IQCJ: variants seen among roughly 807,000 people sequenced by gnomAD.
IQCJ encodes the protein IQ motif containing J.
In IQCJ, 9 loss-of-function variants were observed where a neutral mutation model predicts 11.0. The ratio of observed to expected loss-of-function variants is 0.82; its 90% CI spans 0.49 to 1.43. The LOEUF is 1.43. Ranked by LOEUF, IQCJ falls within the 40% of genes most tolerant of loss-of-function variation. The probability of loss-of-function intolerance (pLI) is 0.00; values close to 1 mark genes in which losing one functional copy is unlikely to be tolerated. For synonymous variants in IQCJ, 55 were observed against 51.3 expected (o/e 1.07, Z -0.31); for missense variants, 146 against 133.2 (o/e 1.10, Z -0.47).
At chr3:159,195,127 G>T (rs1317505657) in intron 1 of IQCJ, among the ~76,000 whole-genome samples, 1 of 150,322 alleles carries the variant, frequency 6.7e-6, no homozygotes, top group Admixed American at 6.6e-5. Context: ...AAAAAAATCT[G>T]TATCACTGGA....
At chr3:159,180,382 T>C (rs906152815) in intron 1 of IQCJ, among the ~76,000 whole-genome samples, 3 of 150,718 alleles carry the variant, frequency 2.0e-5, no homozygotes, top group South Asian at 2.1e-4. Flanking sequence ...ATTAATATGA[T>C]TTTTAAAATT....
intron 1 of IQCJ, among the ~76,000 whole-genome samples, chr3:159,127,290 G>T (rs554975661): frequency 1.3e-5 from 2 of 152,286 alleles, no homozygotes; most frequent in East Asian, 3.9e-4. Context: ...AGTTGGGGAG[G>T]CAGGGGTTGG....
chr3:159,264,096 A>G (rs1349693899), downstream of IQCJ, among the ~76,000 whole-genome samples: 1 of 152,240 alleles, frequency 6.6e-6, no homozygotes, highest in Non-Finnish European at 1.5e-5. Flanking sequence ...TGAATGATGG[A>G]AACTCAATAT....
intron 1 of IQCJ, among the ~76,000 whole-genome samples, chr3:159,147,191 AG>A (rs1720968964): frequency 6.6e-6 from 1 of 152,254 alleles, no homozygotes; most frequent in African/African-American, 2.4e-5. Context: ...CTTTAATTTA[AG>A]GATGGGAGAA....
At chr3:159,170,068 G>A (rs1457630923) in intron 1 of IQCJ, among the ~76,000 whole-genome samples, 1 of 152,132 alleles carries the variant, frequency 6.6e-6, no homozygotes, top group Admixed American at 6.5e-5. Context: ...CTGCACAGAT[G>A]TCTTTGATCA....
intron 1 of IQCJ, among the ~76,000 whole-genome samples, chr3:159,188,870 A>G (rs1199910067): frequency 6.6e-6 from 1 of 152,168 alleles, no homozygotes; most frequent in Non-Finnish European, 1.5e-5. Context: ...TTGTATTCTC[A>G]GTTCATTTAA....
At chr3:159,249,115 C>T (rs1030047466) in intron 2 of IQCJ, among the ~76,000 whole-genome samples, 6 of 152,126 alleles carry the variant, frequency 3.9e-5, no homozygotes, top group African/African-American at 9.7e-5. Flanking sequence ...CTTGGCCTCC[C>T]AAAGTGCTGG....
rs569860900 is a variant in IQCJ at position 159,110,341 on chromosome 3, A to G, written c.9+40900A>G. Among the ~76,000 whole-genome samples, 210 of 152,226 alleles carry G rather than the reference A, an allele frequency of 1.4e-3. 3 individuals are homozygous for G. Among genetic ancestry groups the G allele is most frequent in the Non-Finnish European group, 2.5e-3 (171 of 68,048 alleles). ...CAGAACCACTCAGTGAAGGTTAGCT[A>G]TTATGATTATCATCAGCATCATCAA... On this transcript the variant is annotated intron_variant, in intron 1 of 3. Coordinates refer to ENST00000397832, the MANE Select transcript of IQCJ (RefSeq NM_001042706.3).
chr3:159,251,620 G>GCACACA (rs139292697), intron 2 of IQCJ, among the ~76,000 whole-genome samples: 1 of 127,240 alleles, frequency 7.9e-6, no homozygotes, highest in African/African-American at 2.6e-5. Flanking sequence ...AATTTTTATT[G>GCACACA]CACACACACA....
chr3:159,136,766 C>T (rs1720314263), intron 1 of IQCJ, among the ~76,000 whole-genome samples: 1 of 152,216 alleles, frequency 6.6e-6, no homozygotes, highest in Non-Finnish European at 1.5e-5. Context: ...CTAATACCAT[C>T]ACCCTGGAAG....
intron 1 of IQCJ, among the ~76,000 whole-genome samples, chr3:159,176,292 T>C (rs1469021147): frequency 6.6e-6 from 1 of 152,122 alleles, no homozygotes; most frequent in Non-Finnish European, 1.5e-5. Context: ...TTAATTTTTC[T>C]AGTTTTAGTT....
chr3:159,243,743 T>C (rs1727075090), intron 1 of IQCJ, among the ~76,000 whole-genome samples: 1 of 152,216 alleles, frequency 6.6e-6, no homozygotes, highest in South Asian at 2.1e-4. Flanking sequence ...GTGCATTTCA[T>C]ACTTTGTAAA....
chr3:159,238,012 G>C (rs1433293623), intron 1 of IQCJ, among the ~76,000 whole-genome samples: 1 of 152,164 alleles, frequency 6.6e-6, no homozygotes, highest in Non-Finnish European at 1.5e-5. Context: ...TTGTGGCAGA[G>C]TAGAGGAGAA....
chr3:159,151,072 CT>C (rs959927922), intron 1 of IQCJ, among the ~76,000 whole-genome samples: 1 of 152,214 alleles, frequency 6.6e-6, no homozygotes, highest in African/African-American at 2.4e-5. Context: ...CTTTTAGCCC[CT>C]GTGTCACCTT....
At chr3:159,229,871 C>T (rs188745985) in intron 1 of IQCJ, among the ~76,000 whole-genome samples, 7 of 87,810 alleles carry the variant, frequency 8.0e-5, no homozygotes, top group Admixed American at 2.8e-4. Flanking sequence ...TTCCTTTTTC[C>T]GGGTTAAAAT....
intron 1 of IQCJ, among the ~76,000 whole-genome samples, chr3:159,109,129 G>T (rs1718454918): frequency 6.6e-6 from 1 of 152,208 alleles, no homozygotes; most frequent in South Asian, 2.1e-4. Flanking sequence ...TGAGCTGAGT[G>T]GAACCCAGGT....
intron 1 of IQCJ, among the ~76,000 whole-genome samples, chr3:159,149,709 A>C (rs1314246668): frequency 6.6e-6 from 1 of 152,204 alleles, no homozygotes; most frequent in African/African-American, 2.4e-5. Context: ...ATTCTCATTC[A>C]CTGTAATCTA....
chr3:159,093,942 A>G (rs1469844641), intron 1 of IQCJ, among the ~76,000 whole-genome samples: 1 of 151,888 alleles, frequency 6.6e-6, no homozygotes, highest in Non-Finnish European at 1.5e-5. Flanking sequence ...ATTACAATTC[A>G]GATTACAATT....
At chr3:159,260,379 A>C (rs535844089) in intron 3 of IQCJ, among the ~76,000 whole-genome samples, 3 of 152,372 alleles carry the variant, frequency 2.0e-5, no homozygotes, top group South Asian at 2.1e-4. Context: ...TCAAAGTCCT[A>C]TAAAGTTGTG....
Sources: gnomAD v4.1 joint callset for allele counts (sites outside exome capture counted in the v4.1 genomes callset) on GRCh38, gnomAD v4.1.1 for gene constraint, MANE v1.5 for transcripts, NCBI Gene and HGNC (gene_info 2026-07-23, HGNC 2026-07-21) for gene names.